NPFFR2: variants seen among roughly 807,000 people sequenced by gnomAD.
NPFFR2 encodes the protein G-protein coupled receptor 74.
A neutral mutation model predicts 13.1 loss-of-function variants in NPFFR2; 15 were observed. That is an observed-to-expected ratio of 1.15 (90% CI 0.77 to 1.76). The LOEUF is 1.76. Ranked by LOEUF, NPFFR2 falls within the 40% of genes most tolerant of loss-of-function variation. NPFFR2 has a pLI of 0.00. For missense variants in NPFFR2, 572 were observed against 503.5 expected (o/e 1.14, Z -1.30); for synonymous variants, 190 against 175.7 (o/e 1.08, Z -0.65).
rs778586674 is a variant in NPFFR2, at chr4:72,036,496, GGT to G, written c.-8+4311_-8+4312del. On this transcript the variant is annotated intron_variant, in intron 1 of 3. Transcript: ENST00000308744. Reference sequence around the variant, plus strand: ...TAGTGGGCTGGAGTTGGGTTCGGGTGGTGTGTGTGTGTGTGTATATATATAAT... The same window carrying G: ...TAGTGGGCTGGAGTTGGGTTCGGGTGGTGTGTGTGTGTGTATATATATAAT... 4.9e-3 allele frequency among the ~76,000 whole-genome samples: 655 copies of G among 132,562 alleles called. 2 individuals are homozygous for G. Among genetic ancestry groups the G allele is most frequent in the Middle Eastern group, 0.011 (3 of 264 alleles). 87.0% of individuals were successfully genotyped at this position (132,562 alleles called of 152,430 possible). A position where few individuals can be genotyped will look rare whatever the true frequency, so the allele number is the denominator to read the frequency against.
chr4:72,035,648 A>G (rs1719023294), intron 1 of NPFFR2, among the ~76,000 whole-genome samples: 1 of 152,192 alleles, frequency 6.6e-6, no homozygotes, highest in South Asian at 2.1e-4. Context: ...CTGTATAATG[A>G]CCATCAGAAT....
At chr4:72,040,043 T>A (rs868396119) in intron 1 of NPFFR2, among the ~76,000 whole-genome samples, 5 of 152,288 alleles carry the variant, frequency 3.3e-5, no homozygotes, top group South Asian at 4.1e-4. Flanking sequence ...GAGATATTAG[T>A]CTTTTTCTCA....
chr4:72,128,144 T>G (rs1215586528), intron 1 of NPFFR2, among the ~76,000 whole-genome samples: 1 of 152,178 alleles, frequency 6.6e-6, no homozygotes, highest in African/African-American at 2.4e-5. Context: ...AAGTTATTTC[T>G]TTAGGAGTTT....
In NPFFR2 at chr4:72,147,847, C is replaced by G; in HGVS notation, c.*35C>G. On this transcript the variant is annotated 3_prime_UTR_variant, in exon 4 of 4. Coordinates refer to ENST00000308744, the MANE Select transcript of NPFFR2 (RefSeq NM_004885.3). ...GTGTGATAATCCTAACTCTACTACG[C>G]ATTATATATTTAAATCCATTGCTTT... The G allele has an allele frequency of 7.2e-7, 1 of 1,383,434 alleles. No homozygotes were observed. Among genetic ancestry groups the G allele is most frequent in the Non-Finnish European group, 9.8e-7 (1 of 1,022,814 alleles). The allele number at this position is 1,383,434 out of a possible 1,614,324, so 85.7% of individuals were successfully genotyped here.
chr4:72,075,950 C>G (rs1298591333), intron 1 of NPFFR2, among the ~76,000 whole-genome samples: 1 of 149,256 alleles, frequency 6.7e-6, no homozygotes, highest in Non-Finnish European at 1.5e-5. Flanking sequence ...ATCTCTCTCT[C>G]TCTCTGTCAC....
intron 1 of NPFFR2, among the ~76,000 whole-genome samples, chr4:72,107,874 A>G (rs1721461164): frequency 1.3e-5 from 2 of 152,034 alleles, no homozygotes. Flanking sequence ...ATTTATGTGT[A>G]TTTCTGGATA....
At chr4:72,082,300 T>A (rs1213881951) in intron 1 of NPFFR2, among the ~76,000 whole-genome samples, 1 of 152,200 alleles carries the variant, frequency 6.6e-6, no homozygotes, top group Non-Finnish European at 1.5e-5. Flanking sequence ...GCAAAAAGAC[T>A]GGAATTGTTC....
intron 1 of NPFFR2, among the ~76,000 whole-genome samples, chr4:72,095,276 A>G (rs1721031954): frequency 6.6e-6 from 1 of 152,168 alleles, no homozygotes; most frequent in African/African-American, 2.4e-5. Flanking sequence ...GGCTTCTGAG[A>G]ACTAATTGTG....
chr4:72,053,028 A>G (rs917755497), intron 1 of NPFFR2, among the ~76,000 whole-genome samples: 6 of 151,786 alleles, frequency 4.0e-5, no homozygotes, highest in African/African-American at 1.5e-4. Context: ...GTATTGATTG[A>G]TATCGTGTGC....
chr4:72,039,969 T>A (rs926480291), intron 1 of NPFFR2, among the ~76,000 whole-genome samples: 1 of 152,198 alleles, frequency 6.6e-6, no homozygotes, highest in Admixed American at 6.5e-5. Context: ...AATATATTTT[T>A]ATCTTCTTCA....
At chr4:72,070,484 G>T (rs1489306894) in intron 1 of NPFFR2, among the ~76,000 whole-genome samples, 2 of 151,104 alleles carry the variant, frequency 1.3e-5, no homozygotes, top group Non-Finnish European at 2.9e-5. Flanking sequence ...AATAATACGG[G>T]TGGCATCAGT....
chr4:72,112,267 C>T (rs1451546354), intron 1 of NPFFR2, among the ~76,000 whole-genome samples: 1 of 151,182 alleles, frequency 6.6e-6, no homozygotes, highest in East Asian at 1.9e-4. Flanking sequence ...ATCAGAGCAG[C>T]TCCCCACCTT....
At chr4:72,131,779 GT>G (rs1578476749) in intron 2 of NPFFR2, among the ~76,000 whole-genome samples, 1 of 152,084 alleles carries the variant, frequency 6.6e-6, no homozygotes, top group East Asian at 1.9e-4. Context: ...TTGAAGGATT[GT>G]TTTGAATTAG....
chr4:72,053,389 A>G (rs930649346), intron 1 of NPFFR2, among the ~76,000 whole-genome samples: 1 of 151,880 alleles, frequency 6.6e-6, no homozygotes, highest in Non-Finnish European at 1.5e-5. Context: ...TGTCCCCAGA[A>G]AGAGAAAGTT....
chr4:72,044,527 T>C (rs1385193105), intron 1 of NPFFR2, among the ~76,000 whole-genome samples: 1 of 152,178 alleles, frequency 6.6e-6, no homozygotes, highest in South Asian at 2.1e-4. Context: ...TCAACAGTGT[T>C]CCCTTTTATC....
intron 1 of NPFFR2, among the ~76,000 whole-genome samples, chr4:72,054,369 T>C (rs959453609): frequency 2.6e-5 from 4 of 151,908 alleles, no homozygotes; most frequent in African/African-American, 4.8e-5. Flanking sequence ...GGATCCAAGA[T>C]AATTCAATTA....
intron 1 of NPFFR2, among the ~76,000 whole-genome samples, chr4:72,118,120 G>C (rs1241933424): frequency 6.6e-6 from 1 of 152,170 alleles, no homozygotes; most frequent in African/African-American, 2.4e-5. Flanking sequence ...CCTCTTATGT[G>C]CTTTATATAA....
rs200105888 is a variant in NPFFR2, at chr4:72,043,234, CAGGCAG to C, written c.-8+11038_-8+11043del. ...GAATGTATGGAAGTGCCTGGATGTC[CAGGCAG>C]AGGTATGCTGCAGGGGCTGATCGCT... is the stretch of plus-strand genomic sequence containing the variant. On this transcript the variant is annotated intron_variant, in intron 1 of 3. Coordinates refer to ENST00000308744, the MANE Select transcript of NPFFR2 (RefSeq NM_004885.3). Among the ~76,000 whole-genome samples the C allele has an allele frequency of 7.3e-3, 1,105 of 151,598 alleles. 12 individuals are homozygous for C. The highest frequency in any genetic ancestry group is 0.025 in the African/African-American group (1,033 of 41,334).
At chr4:72,111,196 A>C (rs1179044080) in intron 1 of NPFFR2, among the ~76,000 whole-genome samples, 1 of 151,986 alleles carries the variant, frequency 6.6e-6, no homozygotes, top group African/African-American at 2.4e-5. Context: ...AATATAATCA[A>C]TTTACTAACT....
Sources: gnomAD v4.1 joint callset for allele counts (sites outside exome capture counted in the v4.1 genomes callset) on GRCh38, gnomAD v4.1.1 for gene constraint, MANE v1.5 for transcripts, NCBI Gene and HGNC (gene_info 2026-07-23, HGNC 2026-07-21) for gene names.